The following RAB26 variants were observed in gnomAD, a reference collection of about 807,000 sequenced individuals.
RAB26 encodes the protein RAB26, member RAS oncogene family.
In RAB26, 39 loss-of-function variants were observed where a neutral mutation model predicts 33.1. That is an observed-to-expected ratio of 1.18 (90% confidence interval 0.91 to 1.54). The LOEUF (loss-of-function observed/expected upper bound fraction) is 1.54. RAB26 is among the 40% of genes most tolerant of loss of function. The pLI is 0.00. For synonymous variants in RAB26, 192 were observed against 151.9 expected, an observed-to-expected ratio of 1.26 and a Z score of -1.94; for missense variants, 468 against 362.9, an observed-to-expected ratio of 1.29 and a Z score of -2.35.
Position 2,148,632 on chromosome 16 carries a change from C to G in RAB26, c.-152C>G. The G allele has an allele frequency of 2.4e-6, 1 of 422,750 alleles. No homozygotes were observed. The highest frequency in any genetic ancestry group is 3.1e-6 in the Non-Finnish European group (1 of 323,340). 26.2% of individuals were successfully genotyped at this position (422,750 alleles called of 1,614,324 possible). On this transcript the variant is annotated 5_prime_UTR_variant, in exon 1 of 9. Coordinates refer to ENST00000210187, the MANE Select transcript of RAB26 (RefSeq NM_014353.5). ...TGGAGCGGCGGGGGCGGGGCGCGAG[C>G]CGGGCGCCCGGGATGATGCCGCCGC... is the stretch of plus-strand genomic sequence containing the variant.
Position 2,151,558 on chromosome 16 carries a change from GTC to G in RAB26, c.307-9_307-8del. 6.2e-7 allele frequency: 1 copy of G among 1,613,702 alleles called. No homozygotes were observed. Among genetic ancestry groups the G allele is most frequent in the South Asian group, 1.1e-5 (1 of 91,084 alleles). ...GCCCATGCCAGAGCTGCCTGGTTCT[GTC>G]TGTTTCAGAACAAAGTTCTGGACGT... is the stretch of plus-strand genomic sequence containing the variant. On this transcript the variant is annotated splice_polypyrimidine_tract_variant and intron_variant, in intron 2 of 8. Transcript: ENST00000210187.
At position 2,148,649 on chromosome 16, in the gene RAB26, T is replaced by TGCCGCC. The variant is rs761711190; in HGVS notation, c.-107_-102dup. 20,185 of 388,182 alleles carry TGCCGCC rather than the reference T, an allele frequency of 0.052. 690 individuals are homozygous for TGCCGCC. The highest frequency in any genetic ancestry group is 0.12 in the Admixed American group (1,927 of 15,624). 24.0% of individuals were successfully genotyped at this position (388,182 alleles called of 1,614,324 possible). On this transcript the variant is annotated 5_prime_UTR_variant, in exon 1 of 9. Transcript: ENST00000210187. ...GGCGCGAGCCGGGCGCCCGGGATGA[T>TGCCGCC]GCCGCCGCCGCCGCCGCCGCCGCCG... is the stretch of plus-strand genomic sequence containing the variant.
chr16:2,153,485 T>C lies in RAB26; in HGVS notation c.*64T>C, dbSNP rs1407301355. On this transcript the variant is annotated 3_prime_UTR_variant, in exon 9 of 9. Coordinates refer to ENST00000210187, the MANE Select transcript of RAB26 (RefSeq NM_014353.5). ...TCCCTAGAAGGCTGGACAGAGGGTC[T>C]CCAGGCCCTTCTGACTTTGTTGCCC... 4.0e-6 allele frequency: 6 copies of C among 1,482,786 alleles called. No homozygotes were observed. The East Asian group carries it at 9.2e-5, about 23-fold the overall frequency. The allele number at this position is 1,482,786 out of a possible 1,614,324, so 91.9% of individuals were successfully genotyped here.
Position 2,153,324 on chromosome 16 carries a change from TGAA to T in RAB26, c.676_678del (p.Lys226del). 1 of 1,613,484 alleles carries T rather than the reference TGAA, an allele frequency of 6.2e-7. No individual in the cohort carries two copies. The highest frequency in any genetic ancestry group is 8.5e-7 in the Non-Finnish European group (1 of 1,179,998). ...TTGTCACCCCCACTCCGCAGGGAGT[TGAA>T]GCAGCGCTCCATGAAGGCTCCCAGC... is the stretch of plus-strand genomic sequence containing the variant. On this transcript the variant is annotated inframe_deletion, in exon 9 of 9. Transcript: ENST00000210187.
chr16:2,153,679 C>G lies in RAB26; in HGVS notation c.*258C>G. On this transcript the variant is annotated 3_prime_UTR_variant, in exon 9 of 9. Transcript: ENST00000210187. ...GGACGGGGAGCGGCAAGTGGACAGA[C>G]TTTGCCACGGTGCTCTGCTGCCCCC... 1 of 638,278 alleles carries G rather than the reference C, an allele frequency of 1.6e-6. No individual in the cohort carries two copies. The highest frequency in any genetic ancestry group is 2.5e-4 in the Middle Eastern group (1 of 4,072). The allele number at this position is 638,278 out of a possible 1,614,324, so 39.5% of individuals were successfully genotyped here. A position where few individuals can be genotyped will look rare whatever the true frequency, so the allele number is the denominator to read the frequency against.
rs201616981 is a variant in RAB26, at chr16:2,152,864, G to A, written c.513G>A (p.Ala171=). The change falls in exon 6 of 9, where the codon GCG becomes GCA. Residue 171 remains alanine (A), a synonymous_variant. Transcript: ENST00000210187. ...ACGAGTACGCCCAGCACGACGTGGCGCTCATGCTGCTGGGGAACAAGGTGG... is the reference window on the plus strand; with the variant it reads ...ACGAGTACGCCCAGCACGACGTGGCACTCATGCTGCTGGGGAACAAGGTGG... The part of the protein sequence containing the change: ...EIHEYAQHDV[A]LMLLGNKVDS... The A allele has an allele frequency of 5.9e-5, 95 of 1,607,372 alleles. 1 individual carries two copies. The Admixed American group carries it at 5.9e-4, about 10-fold the overall frequency.
chr16:2,148,396 G>C (rs2092992699), upstream of RAB26: 1 of 152,314 alleles, frequency 6.6e-6, no homozygotes, highest in South Asian at 2.1e-4. Context: ...CAGGATCCCG[G>C]GGTGACTCCT....
At chr16:2,150,384 G>A (rs939934489) in intron 2 of RAB26, among the ~76,000 whole-genome samples, 11 of 152,312 alleles carry the variant, frequency 7.2e-5, no homozygotes, top group South Asian at 2.1e-4. Context: ...GGCCCTAGAA[G>A]CACATGCTCC....
chr16:2,153,332 C>A lies in RAB26; in HGVS notation c.682C>A (p.Arg228Ser). ...CCCACTCCGCAGGGAGTTGAAGCAG[C>A]GCTCCATGAAGGCTCCCAGCGAGCC... Reference protein sequence around the residue: ...FTAIAKELKQRSMKAPSEPRF... With the variant: ...FTAIAKELKQSSMKAPSEPRF... The change falls in exon 9 of 9, where the codon CGC (arginine) becomes AGC (serine). Residue 228 changes from arginine (R) to serine (S), a missense_variant. Physicochemically the swap from Arg to Ser is moderately radical, Grantham distance 110. Coordinates refer to ENST00000210187, the MANE Select transcript of RAB26 (RefSeq NM_014353.5). The A allele has an allele frequency of 6.2e-7, 1 of 1,613,530 alleles. No individual in the cohort carries two copies. Among genetic ancestry groups the A allele is most frequent in the Non-Finnish European group, 8.5e-7 (1 of 1,180,014 alleles).
chr16:2,151,548 G>T (rs2093004992), intron 2 of RAB26, 21 bp from the exon 3 acceptor site: 2 of 1,613,338 alleles, frequency 1.2e-6, no homozygotes, highest in Admixed American at 3.3e-5. Context: ...TGCCAGAGCT[G>T]CCTGGTTCTG....
In RAB26 at chr16:2,149,937, C is replaced by T; in HGVS notation, c.196-4C>T. 6.5e-7 allele frequency: 1 copy of T among 1,532,118 alleles called. No individual in the cohort carries two copies. Among genetic ancestry groups the T allele is most frequent in the South Asian group, 1.2e-5 (1 of 81,110 alleles). 94.9% of individuals were successfully genotyped at this position (1,532,118 alleles called of 1,614,324 possible). ...ACTCCCCCCAACCCTCCTGCTTGTC[C>T]TAGGTCATGCTGGTGGGGGACTCGG... is the stretch of plus-strand genomic sequence containing the variant. On this transcript the variant is annotated splice_region_variant and splice_polypyrimidine_tract_variant and intron_variant, in intron 1 of 8. Coordinates refer to ENST00000210187, the MANE Select transcript of RAB26 (RefSeq NM_014353.5).
In RAB26 at chr16:2,151,872, C is replaced by T. The variant is rs143533147; in HGVS notation, c.432C>T (p.Tyr144=). Residue 144 remains tyrosine (Y), a synonymous_variant, in exon 5 of 9, where the codon TAC becomes TAT. Coordinates refer to ENST00000210187, the MANE Select transcript of RAB26 (RefSeq NM_014353.5). ...TGTCCCCAGCTCTGCTGCTGCTCTACGATGTCACCAACAAGGCCTCCTTTG... is the reference window on the plus strand; with the variant it reads ...TGTCCCCAGCTCTGCTGCTGCTCTATGATGTCACCAACAAGGCCTCCTTTG... The part of the protein sequence containing the change: ...YRDAHALLLL[Y]DVTNKASFDN... 24 of 1,614,016 alleles carry T rather than the reference C, an allele frequency of 1.5e-5. No homozygotes were observed. The highest frequency in any genetic ancestry group is 1.2e-4 in the Admixed American group (7 of 60,008).
chr16:2,151,087 C>G (rs1204050635), intron 2 of RAB26: 1 of 396,158 alleles, frequency 2.5e-6, no homozygotes, highest in Non-Finnish European at 5.1e-6. Flanking sequence ...CCAGCCCTGA[C>G]AATCCCAGCA....
chr16:2,153,215 A>G lies in RAB26; in HGVS notation c.661A>G (p.Ile221Val). The change falls in exon 8 of 9, where the codon ATA (isoleucine) becomes GTA (valine). Residue 221 changes from isoleucine (I) to valine (V), a missense_variant. Transcript: ENST00000210187. ...GLNVDLAFTAIAKELKQRSMK... is the reference protein window; with the variant it reads ...GLNVDLAFTAVAKELKQRSMK... ...CAACGTGGACTTGGCCTTCACAGCCATAGCAAAGTAAGTCCTGCCAGTCAC... is the reference window on the plus strand; with the variant it reads ...CAACGTGGACTTGGCCTTCACAGCCGTAGCAAAGTAAGTCCTGCCAGTCAC... 6.2e-7 allele frequency: 1 copy of G among 1,613,828 alleles called. No homozygotes were observed. The highest frequency in any genetic ancestry group is 1.1e-5 in the South Asian group (1 of 91,084).
Position 2,149,925 on chromosome 16 carries a change from C to G in RAB26, c.196-16C>G. The G allele has an allele frequency of 6.6e-7, 1 of 1,513,174 alleles. No individual in the cohort carries two copies. The highest frequency in any genetic ancestry group is 8.9e-7 in the Non-Finnish European group (1 of 1,127,960). The allele number at this position is 1,513,174 out of a possible 1,614,324, so 93.7% of individuals were successfully genotyped here. On this transcript the variant is annotated splice_polypyrimidine_tract_variant and intron_variant, in intron 1 of 8. Transcript: ENST00000210187. ...AGGGCAGACCAGACTCCCCCCAACC[C>G]TCCTGCTTGTCCTAGGTCATGCTGG...
intron 2 of RAB26, 113 bp from the exon 3 acceptor site, chr16:2,151,456 C>A: frequency 6.7e-7 from 1 of 1,482,032 alleles, no homozygotes; most frequent in Non-Finnish European, 9.4e-7. Context: ...CCTGCAGGGG[C>A]TGGGCTGGAC....
At position 2,151,704 on chromosome 16, in the gene RAB26, A is replaced by G; in HGVS notation, c.358A>G (p.Thr120Ala). 1 of 1,613,966 alleles carries G rather than the reference A, an allele frequency of 6.2e-7. No homozygotes were observed. Among genetic ancestry groups the G allele is most frequent in the East Asian group, 2.2e-5 (1 of 44,892 alleles). ...GVKVKLQMWD[T>A]AGQERFRSVT... ...GTGCCTGTCGCTGCAGATGTGGGAC[A>G]CAGCTGGTCAGGAGCGGTTCCGCAG... Residue 120 changes from threonine (T) to alanine (A), a missense_variant, in exon 4 of 9, where the codon ACA becomes GCA. Transcript: ENST00000210187.
Position 2,153,401 on chromosome 16 carries a change from G to A in RAB26, c.751G>A (p.Ala251Thr), listed in dbSNP as rs371398603. Residue 251 changes from alanine (A) to threonine (T), a missense_variant, in exon 9 of 9, where the codon GCC becomes ACC. By Grantham distance (58) the Ala-to-Thr change is moderately conservative. Coordinates refer to ENST00000210187, the MANE Select transcript of RAB26 (RefSeq NM_014353.5). ...TTACGTTAAGAGGGAGGGTCGAGGG[G>A]CCTCCTGCTGCCGCCCTTGAACCTG... ...HDYVKREGRG[A>T]SCCRP 20 of 1,613,286 alleles carry A rather than the reference G, an allele frequency of 1.2e-5. No homozygotes were observed. Among genetic ancestry groups the A allele is most frequent in the Non-Finnish European group, 1.7e-5 (20 of 1,180,012 alleles).
At chr16:2,151,170 A>G in intron 2 of RAB26, 1 of 467,806 alleles carries the variant, frequency 2.1e-6, no homozygotes, top group Non-Finnish European at 4.2e-6. Context: ...TGCAGTGGTG[A>G]TCATGGTGGA....
Sources: gnomAD v4.1 joint callset for allele counts (sites outside exome capture counted in the v4.1 genomes callset) on GRCh38, gnomAD v4.1.1 for gene constraint, MANE v1.5 for transcripts, NCBI Gene and HGNC (gene_info 2026-07-23, HGNC 2026-07-21) for gene names.